Variants in DLG2 observed in about 807,000 individuals in gnomAD.
DLG2 encodes the protein disks large homolog 2.
A neutral mutation model predicts 132.5 loss-of-function variants in DLG2; 45 were observed. The observed-to-expected ratio is 0.34, with a 90% CI of 0.27 to 0.44. The LOEUF (loss-of-function observed/expected upper bound fraction) is 0.44. DLG2 is among the 20% of genes least tolerant of loss of function. The probability of loss-of-function intolerance (pLI) is 1.00; values close to 1 mark genes in which losing one functional copy is unlikely to be tolerated. For missense variants in DLG2, 1,045 were observed against 1,196.9 expected, an observed-to-expected ratio of 0.87 and a Z score of 1.87; for synonymous variants, 424 against 419.6, an observed-to-expected ratio of 1.01 and a Z score of -0.13.
intron 9 of DLG2, among the ~76,000 whole-genome samples, chr11:84,159,361 A>G (rs182139948): frequency 6.6e-6 from 1 of 152,230 alleles, no homozygotes; most frequent in East Asian, 1.9e-4. Flanking sequence ...TACTAATTTA[A>G]TTACAGTGAA....
intron 6 of DLG2, among the ~76,000 whole-genome samples, chr11:85,061,079 T>C (rs2064078271): frequency 6.6e-6 from 1 of 151,682 alleles, no homozygotes; most frequent in Non-Finnish European, 1.5e-5. Context: ...CATTTTTTAA[T>C]TTTTTTGCTT....
rs187200540 is a variant in DLG2 at position 84,514,670 on chromosome 11, G to T, written c.519+19900C>A. On this transcript the variant is annotated intron_variant, in intron 7 of 27. Coordinates refer to ENST00000376104, the MANE Select transcript of DLG2 (RefSeq NM_001142699.3). ...AGCCTGAGAAAGGTAGTTGGGGCAG[G>T]GGTGGGGGTGAGGAGGAGAGGTGGG... is the stretch of plus-strand genomic sequence containing the variant. 1.1e-4 allele frequency among the ~76,000 whole-genome samples: 17 copies of T among 152,024 alleles called. No homozygotes were observed. In the East Asian group the frequency reaches 3.1e-3, roughly 28 times the overall value.
chr11:84,467,275 C>T (rs1234629961), intron 7 of DLG2, among the ~76,000 whole-genome samples: 1 of 151,304 alleles, frequency 6.6e-6, no homozygotes, highest in African/African-American at 2.4e-5. Flanking sequence ...AATCATTTGT[C>T]ATTATTAGAA....
chr11:84,729,888 C>T (rs932947473), intron 6 of DLG2, among the ~76,000 whole-genome samples: 27 of 151,970 alleles, frequency 1.8e-4, no homozygotes, highest in African/African-American at 3.9e-4. Flanking sequence ...AAGGAGTACA[C>T]TCTTTATTGA....
chr11:84,377,245 A>G (rs1249142667), intron 7 of DLG2, among the ~76,000 whole-genome samples: 1 of 152,000 alleles, frequency 6.6e-6, no homozygotes, highest in East Asian at 1.9e-4. Context: ...AAAGAAAACA[A>G]TTCTATAAGG....
intron 8 of DLG2, among the ~76,000 whole-genome samples, chr11:84,170,204 CT>C (rs2095789232): frequency 6.6e-6 from 1 of 152,194 alleles, no homozygotes; most frequent in African/African-American, 2.4e-5. Flanking sequence ...TGGGCAGCCC[CT>C]AACAACAGCT....
chr11:85,343,312 T>C (rs2082621890), intron 3 of DLG2, among the ~76,000 whole-genome samples: 1 of 152,150 alleles, frequency 6.6e-6, no homozygotes, highest in Non-Finnish European at 1.5e-5. Flanking sequence ...CTTCTGAATT[T>C]GTCTAACTGC....
chr11:84,914,875 C>T lies in DLG2; in HGVS notation c.357+196786G>A, dbSNP rs554150556. ...TTGTGAAGATGAAATGAGTGATGTA[C>T]ACAGTGCCTGACTCATCATAAATAC... On this transcript the variant is annotated intron_variant, in intron 6 of 27. Coordinates refer to ENST00000376104, the MANE Select transcript of DLG2 (RefSeq NM_001142699.3). 1.1e-3 allele frequency among the ~76,000 whole-genome samples: 170 copies of T among 152,266 alleles called. 1 individual carries two copies. The highest frequency in any genetic ancestry group is 3.8e-3 in the African/African-American group (159 of 41,542).
At chr11:83,950,004 A>G (rs1035581651) in intron 14 of DLG2, among the ~76,000 whole-genome samples, 2 of 152,136 alleles carry the variant, frequency 1.3e-5, no homozygotes, top group Non-Finnish European at 2.9e-5. Flanking sequence ...TATTTTCTAT[A>G]TGGACTGTAC....
chr11:83,881,625 T>C lies in DLG2; in HGVS notation c.1497-7137A>G, dbSNP rs117774117. Among the ~76,000 whole-genome samples the C allele has an allele frequency of 1.2e-3, 176 of 152,318 alleles. 1 individual carries two copies. In the East Asian group the frequency reaches 0.031, roughly 27 times the overall value. ...AATAGTTAGTCCACAAGTTGCGCTG[T>C]TGAGCTCTCTTAAGCAGCATCCTTT... is the stretch of plus-strand genomic sequence containing the variant. On this transcript the variant is annotated intron_variant, in intron 15 of 27. Transcript: ENST00000376104.
rs552751259 is a variant in DLG2 at position 84,720,365 on chromosome 11, A to G, written c.358-185634T>C. On this transcript the variant is annotated intron_variant, in intron 6 of 27. Coordinates refer to ENST00000376104, the MANE Select transcript of DLG2 (RefSeq NM_001142699.3). Reference sequence around the variant, plus strand: ...CTTTGCAGTGGCAAATCATTGGTGTAAAACAGTCAGGGTCCTTAACAACAG... The same window carrying G: ...CTTTGCAGTGGCAAATCATTGGTGTGAAACAGTCAGGGTCCTTAACAACAG... 15 of 985,496 alleles carry G rather than the reference A, an allele frequency of 1.5e-5. No individual in the cohort carries two copies. The East Asian group carries it at 1.2e-3, about 82-fold the overall frequency. The allele number at this position is 985,496 out of a possible 1,614,324, so 61.0% of individuals were successfully genotyped here.
intron 7 of DLG2, among the ~76,000 whole-genome samples, chr11:84,308,763 C>T (rs968268876): frequency 2.0e-5 from 3 of 152,300 alleles, no homozygotes; most frequent in Non-Finnish European, 4.4e-5. Context: ...GTACACCCTC[C>T]GCAGCCACTG....
intron 6 of DLG2, among the ~76,000 whole-genome samples, chr11:84,766,268 C>T (rs893513825): frequency 6.6e-6 from 1 of 151,984 alleles, no homozygotes; most frequent in Non-Finnish European, 1.5e-5. Flanking sequence ...TTTCTCTTCC[C>T]TTTCCATCCA....
chr11:83,924,585 T>C (rs911913790), intron 15 of DLG2, among the ~76,000 whole-genome samples: 1 of 152,140 alleles, frequency 6.6e-6, no homozygotes, highest in Admixed American at 6.5e-5. Flanking sequence ...AACCCTACCA[T>C]TCATCTCCCT....
chr11:84,621,443 AT>A (rs899790508), intron 6 of DLG2, among the ~76,000 whole-genome samples: 3 of 152,172 alleles, frequency 2.0e-5, no homozygotes, highest in African/African-American at 7.2e-5. Flanking sequence ...GATTTCCTCA[AT>A]GAGTGGGATC....
At chr11:84,393,582 T>C (rs1031900056) in intron 7 of DLG2, among the ~76,000 whole-genome samples, 2 of 152,178 alleles carry the variant, frequency 1.3e-5, no homozygotes, top group African/African-American at 4.8e-5. Flanking sequence ...GATGCAGCTA[T>C]CTAGTTTTGT....
At chr11:85,573,660 A>G (rs1398562642) in intron 3 of DLG2, among the ~76,000 whole-genome samples, 1 of 152,158 alleles carries the variant, frequency 6.6e-6, no homozygotes, top group African/African-American at 2.4e-5. Context: ...TCTGTCAACT[A>G]ACTTATATCC....
In DLG2 at chr11:84,483,803, C is replaced by T. The variant is rs981135533; in HGVS notation, c.519+50767G>A. On this transcript the variant is annotated intron_variant, in intron 7 of 27. Transcript: ENST00000376104. ...TTCCAGGTCAACAAGACCTGAATGC[C>T]GCCTAATTGAGTTCATTAATGGATC... Among the ~76,000 whole-genome samples, 23 of 152,250 alleles carry T rather than the reference C, an allele frequency of 1.5e-4. 1 individual carries two copies. The highest frequency in any genetic ancestry group is 7.2e-4 in the Admixed American group (11 of 15,286).
intron 6 of DLG2, among the ~76,000 whole-genome samples, chr11:84,565,674 T>C (rs1464163148): frequency 6.6e-6 from 1 of 152,138 alleles, no homozygotes; most frequent in Non-Finnish European, 1.5e-5. Flanking sequence ...CTCAAATTTA[T>C]ATTGGAGATG....
Sources: allele counts gnomAD v4.1 joint callset (sites outside exome capture counted in the v4.1 genomes callset), GRCh38; gene constraint gnomAD v4.1.1; transcripts MANE v1.5; gene names NCBI Gene and HGNC (gene_info 2026-07-23, HGNC 2026-07-21).